Variants in TENM2 observed in about 807,000 individuals in gnomAD.
The protein encoded by TENM2 is teneurin-2.
Under a neutral mutation model 245.2 loss-of-function variants are expected in TENM2, and 52 were observed. That is an observed-to-expected ratio of 0.21 (90% CI 0.17 to 0.27). The LOEUF (loss-of-function observed/expected upper bound fraction) is 0.27. Among genes scored for constraint, TENM2 ranks in the 10% least tolerant of loss-of-function variants. The probability of loss-of-function intolerance (pLI) is 1.00; values close to 1 mark genes in which losing one functional copy is unlikely to be tolerated. For synonymous variants in TENM2, 1,363 were observed against 1,438.9 expected, an observed-to-expected ratio of 0.95 and a Z score of 1.19; for missense variants, 3,046 against 3,666.8, an observed-to-expected ratio of 0.83 and a Z score of 4.37.
chr5:167,133,381 CT>C, the TENM2 span, among the ~76,000 whole-genome samples: 8 of 152,198 alleles, frequency 5.3e-5, no homozygotes, highest in African/African-American at 1.9e-4. Context: ...AGTCTTGCCC[CT>C]GGCAGTTTGT....
At chr5:167,473,320 T>C (rs1307274158) in intron 2 of TENM2, among the ~76,000 whole-genome samples, 1 of 152,172 alleles carries the variant, frequency 6.6e-6, no homozygotes, top group African/African-American at 2.4e-5. Context: ...TTGTCATTGT[T>C]TCTTTACTGG....
At chr5:168,041,308 G>A (rs1270218159) in intron 5 of TENM2, among the ~76,000 whole-genome samples, 1 of 152,090 alleles carries the variant, frequency 6.6e-6, no homozygotes, top group Non-Finnish European at 1.5e-5. Flanking sequence ...CTAATCCAGT[G>A]AGAATGAAGG....
the TENM2 span, among the ~76,000 whole-genome samples, chr5:166,994,110 A>G: frequency 1.3e-5 from 2 of 152,114 alleles, no homozygotes; most frequent in Non-Finnish European, 2.9e-5. Context: ...CAGCCAGGTT[A>G]CCTCTGCACC....
At chr5:167,899,171 C>T (rs761345236) in intron 3 of TENM2, among the ~76,000 whole-genome samples, 5 of 151,746 alleles carry the variant, frequency 3.3e-5, no homozygotes, top group Admixed American at 6.6e-5. Flanking sequence ...GAAAGAGGAC[C>T]GAACCTCCAA....
At chr5:167,764,186 C>T (rs1337248919) in intron 2 of TENM2, among the ~76,000 whole-genome samples, 1 of 152,048 alleles carries the variant, frequency 6.6e-6, no homozygotes, top group African/African-American at 2.4e-5. Context: ...TGAGTCTTCC[C>T]TCCACTGCTT....
At chr5:167,603,307 T>C (rs1224717280) in intron 2 of TENM2, among the ~76,000 whole-genome samples, 1 of 152,140 alleles carries the variant, frequency 6.6e-6, no homozygotes, top group Non-Finnish European at 1.5e-5. Context: ...TGGGAGGAAA[T>C]CCGTGTTGGC....
At chr5:167,904,940 C>T (rs1775972295) in intron 3 of TENM2, among the ~76,000 whole-genome samples, 1 of 152,138 alleles carries the variant, frequency 6.6e-6, no homozygotes, top group African/African-American at 2.4e-5. Context: ...AGTTTAATAG[C>T]CACAGAGTAC....
intron 2 of TENM2, among the ~76,000 whole-genome samples, chr5:167,540,657 GATAA>G (rs1209968225): frequency 1.3e-5 from 2 of 152,136 alleles, no homozygotes; most frequent in African/African-American, 4.8e-5. Flanking sequence ...CAAAATTAAA[GATAA>G]ATATCTAGAT....
At chr5:167,943,644 C>G (rs1178604558) in intron 3 of TENM2, among the ~76,000 whole-genome samples, 2 of 152,134 alleles carry the variant, frequency 1.3e-5, no homozygotes, top group African/African-American at 4.8e-5. Flanking sequence ...ATTTTTGATG[C>G]AATTCTCTGC....
At chr5:167,850,063 C>G (rs1770433080) in intron 2 of TENM2, among the ~76,000 whole-genome samples, 1 of 152,196 alleles carries the variant, frequency 6.6e-6, no homozygotes, top group African/African-American at 2.4e-5. Context: ...TCCCAACACT[C>G]TAATCATGCC....
chr5:167,723,540 T>G (rs1419503283), intron 2 of TENM2, among the ~76,000 whole-genome samples: 1 of 152,208 alleles, frequency 6.6e-6, no homozygotes, highest in Non-Finnish European at 1.5e-5. Context: ...GGCTCTTATA[T>G]CTAGCAGGAA....
chr5:167,727,031 A>T (rs1561711370), intron 2 of TENM2, among the ~76,000 whole-genome samples: 1 of 151,930 alleles, frequency 6.6e-6, no homozygotes, highest in Non-Finnish European at 1.5e-5. Context: ...TAAATTTTAA[A>T]TGGTTACCAA....
At chr5:168,203,728 T>C in exon 18 of TENM2, 1 of 1,613,060 alleles carries the variant, frequency 6.2e-7, no homozygotes. Flanking sequence ...CCCAGTCTAA[T>C]TCTCTGGGAG....
the TENM2 span, among the ~76,000 whole-genome samples, chr5:167,081,106 A>G: frequency 6.6e-6 from 1 of 151,922 alleles, no homozygotes; most frequent in Non-Finnish European, 1.5e-5. Context: ...CAATGTAGAT[A>G]TATTATTTTT....
At chr5:167,131,517 A>G in the TENM2 span, among the ~76,000 whole-genome samples, 89 of 152,184 alleles carry the variant, frequency 5.8e-4, no homozygotes, top group Non-Finnish European at 9.6e-4. Flanking sequence ...CTGTTGTACT[A>G]TACTGTAGGA....
intron 9 of TENM2, among the ~76,000 whole-genome samples, chr5:168,107,795 T>G (rs1794373231): frequency 6.6e-6 from 1 of 152,174 alleles, no homozygotes; most frequent in Admixed American, 6.5e-5. Context: ...ATCCCAGCCT[T>G]TCCTATCAAA....
chr5:167,643,595 C>G (rs987621736), intron 2 of TENM2, among the ~76,000 whole-genome samples: 1 of 152,200 alleles, frequency 6.6e-6, no homozygotes, highest in Non-Finnish European at 1.5e-5. Flanking sequence ...GATCCAGATT[C>G]AGAGTCAAGT....
chr5:167,269,442 G>T, the TENM2 span, among the ~76,000 whole-genome samples: 10 of 151,914 alleles, frequency 6.6e-5, no homozygotes, highest in Non-Finnish European at 1.5e-5. Flanking sequence ...TCTGGATTTT[G>T]CACCTTAGTT....
chr5:167,657,580 T>C lies in TENM2; in HGVS notation c.503-218406T>C, dbSNP rs190800688. On this transcript the variant is annotated intron_variant, in intron 2 of 28. Coordinates refer to ENST00000518659, the Ensembl canonical transcript of TENM2. The stretch of plus-strand genomic sequence containing the variant: ...TCCATACTGTCCTTCACAGTGGCTA[T>C]TGAAGCATAAAGCTTAATACAATGT... Among the ~76,000 whole-genome samples the C allele has an allele frequency of 3.7e-4, 56 of 152,350 alleles. No individual in the cohort carries two copies. The East Asian group carries it at 4.1e-3, about 11-fold the overall frequency.
Sources: gnomAD v4.1 joint callset for allele counts (sites outside exome capture counted in the v4.1 genomes callset) on GRCh38, gnomAD v4.1.1 for gene constraint, MANE v1.5 for transcripts, NCBI Gene and HGNC (gene_info 2026-07-23, HGNC 2026-07-21) for gene names.